ABCC4: variants seen among roughly 807,000 people sequenced by gnomAD.
ABCC4 encodes the protein ATP binding cassette subfamily C member 4 (PEL blood group).
Under a neutral mutation model 168.5 loss-of-function variants are expected in ABCC4, and 102 were observed. The observed-to-expected ratio is 0.61, with a 90% CI of 0.52 to 0.71. The LOEUF (loss-of-function observed/expected upper bound fraction) is 0.71. Among genes scored for constraint, ABCC4 ranks in the 30% least tolerant of loss-of-function variants. The pLI, the probability that ABCC4 is intolerant of heterozygous loss-of-function variation, is 0.00. For synonymous variants in ABCC4, 617 were observed against 590.7 expected (o/e 1.04, Z -0.65); for missense variants, 1,402 against 1,605.8 (o/e 0.87, Z 2.17).
intron 1 of ABCC4, among the ~76,000 whole-genome samples, chr13:95,298,117 C>T (rs2041581345): frequency 6.6e-6 from 1 of 152,028 alleles, no homozygotes; most frequent in Admixed American, 6.6e-5. Flanking sequence ...GGTGCAACCC[C>T]ATCTCTACCA....
At position 95,166,317 on chromosome 13, in the gene ABCC4, T is replaced by G; in HGVS notation, c.1875A>C (p.Ile625=). ...GTYTEFLKSG[I]DFGSLLKKDN... ...CCTTCTTTAAAAGGGAGCCAAAATC[T>G]ATACCAGATTTTAGGAACTCAGTGT... Residue 625 remains isoleucine (I), a synonymous_variant, in exon 15 of 31, where the codon ATA becomes ATC. Transcript: ENST00000645237. 3 of 1,613,802 alleles carry G rather than the reference T, an allele frequency of 1.9e-6. No individual in the cohort carries two copies. The highest frequency in any genetic ancestry group is 2.5e-6 in the Non-Finnish European group (3 of 1,180,026).
chr13:95,259,303 C>A (rs12863008), intron 1 of ABCC4, among the ~76,000 whole-genome samples: 78,441 of 151,032 alleles, frequency 0.52, 22,295 homozygotes, highest in Non-Finnish European at 0.63. Flanking sequence ...TCGCTTGAAC[C>A]AGGGAAGTGG....
At chr13:95,102,777 C>T (rs1344894423) in intron 20 of ABCC4, among the ~76,000 whole-genome samples, 3 of 151,376 alleles carry the variant, frequency 2.0e-5, no homozygotes, top group African/African-American at 4.8e-5. Context: ...CCCGCCACCA[C>T]GCCCAGCTAA....
At chr13:95,053,331 A>G (rs1566374628) in intron 26 of ABCC4, 147 bp from the exon 27 acceptor site, 1 of 691,374 alleles carries the variant, frequency 1.4e-6, no homozygotes, top group South Asian at 1.8e-5. Flanking sequence ...ACAAAACAAC[A>G]TATCTATTAA....
intron 13 of ABCC4, among the ~76,000 whole-genome samples, chr13:95,172,298 G>A (rs1033786642): frequency 1.3e-5 from 2 of 152,164 alleles, no homozygotes; most frequent in African/African-American, 4.8e-5. Context: ...ACTACATTAA[G>A]AGGCCAGCCA....
intron 19 of ABCC4, among the ~76,000 whole-genome samples, chr13:95,153,907 A>G (rs1417040612): frequency 6.6e-6 from 1 of 152,252 alleles, no homozygotes; most frequent in Admixed American, 6.5e-5. Context: ...TACTATTAGC[A>G]GTAAAGGAGC....
At chr13:95,295,979 A>C (rs1384490318) in intron 1 of ABCC4, among the ~76,000 whole-genome samples, 2 of 141,898 alleles carry the variant, frequency 1.4e-5, no homozygotes, top group Admixed American at 7.1e-5. Context: ...AAAAAAAAAA[A>C]ACACTTTAGC....
At chr13:95,066,185 A>G (rs2033537558) in intron 25 of ABCC4, among the ~76,000 whole-genome samples, 1 of 152,222 alleles carries the variant, frequency 6.6e-6, no homozygotes, top group Admixed American at 6.5e-5. Flanking sequence ...GGCATATGCC[A>G]TCGTGCCTTT....
chr13:95,143,923 T>C (rs1394217762), intron 19 of ABCC4, among the ~76,000 whole-genome samples: 1 of 152,196 alleles, frequency 6.6e-6, no homozygotes, highest in Non-Finnish European at 1.5e-5. Flanking sequence ...TAAATCCTTC[T>C]GAAAATTGAT....
intron 30 of ABCC4, among the ~76,000 whole-genome samples, chr13:95,028,470 G>A (rs376718731): frequency 5.5e-4 from 84 of 152,044 alleles, no homozygotes; most frequent in African/African-American, 1.8e-3. Flanking sequence ...AAAACAAACC[G>A]CTACCACCAA....
At chr13:95,207,126 C>T (rs1307361305) in intron 7 of ABCC4, among the ~76,000 whole-genome samples, 3 of 152,232 alleles carry the variant, frequency 2.0e-5, no homozygotes, top group Non-Finnish European at 4.4e-5. Context: ...CCTCCTGGTT[C>T]AAGCGATTCT....
At chr13:95,289,172 A>G (rs866360083) in intron 1 of ABCC4, among the ~76,000 whole-genome samples, 1 of 152,234 alleles carries the variant, frequency 6.6e-6, no homozygotes, top group South Asian at 2.1e-4. Context: ...TGGGTTTATT[A>G]CATAATCTCA....
rs566618544 is a variant in ABCC4 at position 95,062,716 on chromosome 13, T to C, written c.3354A>G (p.Ser1118=). 6.2e-7 allele frequency: 1 copy of C among 1,613,846 alleles called. No individual in the cohort carries two copies. The highest frequency in any genetic ancestry group is 1.3e-5 in the African/African-American group (1 of 75,010). Residue 1118 remains serine, a synonymous_variant, in exon 26 of 31, where the codon TCA becomes TCG. Coordinates refer to ENST00000645237, the MANE Select transcript of ABCC4 (RefSeq NM_005845.5). Reference sequence around the variant, plus strand: ...ATGACTTGCATACCTGAGGTATGATTGACATCTTCTTCCTTAAATCGTGAA... The same window carrying C: ...ATGACTTGCATACCTGAGGTATGATCGACATCTTCTTCCTTAAATCGTGAA... The part of the protein sequence containing the change: ...IGLHDLRKKM[S]IIPQEPVLFT...
chr13:95,221,818 T>C (rs1056573604), intron 4 of ABCC4, among the ~76,000 whole-genome samples: 3 of 152,180 alleles, frequency 2.0e-5, no homozygotes, highest in African/African-American at 7.2e-5. Flanking sequence ...AAATAAATCA[T>C]TGGCCATGAT....
At chr13:95,248,655 C>T (rs1217933903) in intron 1 of ABCC4, among the ~76,000 whole-genome samples, 1 of 151,786 alleles carries the variant, frequency 6.6e-6, no homozygotes, top group Non-Finnish European at 1.5e-5. Context: ...ACACCTGTAA[C>T]TCCAGAGCTT....
chr13:95,192,085 C>T (rs1425692885), intron 9 of ABCC4, among the ~76,000 whole-genome samples: 3 of 152,232 alleles, frequency 2.0e-5, no homozygotes, highest in African/African-American at 7.2e-5. Flanking sequence ...ATCCCTTCCC[C>T]ATGGAGAGTC....
At chr13:95,168,014 C>T (rs1566484990) in intron 14 of ABCC4, among the ~76,000 whole-genome samples, 1 of 152,116 alleles carries the variant, frequency 6.6e-6, no homozygotes, top group Non-Finnish European at 1.5e-5. Flanking sequence ...TCACAGGCAG[C>T]GCCACCAGGC....
intron 20 of ABCC4, among the ~76,000 whole-genome samples, chr13:95,084,587 C>T (rs2034196587): frequency 6.6e-6 from 1 of 151,846 alleles, no homozygotes; most frequent in Non-Finnish European, 1.5e-5. Flanking sequence ...CATTTAGTAG[C>T]ACTGAGGAAG....
intron 4 of ABCC4, among the ~76,000 whole-genome samples, chr13:95,216,233 T>C (rs2039105431): frequency 6.6e-6 from 1 of 152,280 alleles, no homozygotes; most frequent in South Asian, 2.1e-4. Context: ...GTGTTTCTCA[T>C]TAATGTAGAA....
Sources: gnomAD v4.1 joint callset for allele counts (sites outside exome capture counted in the v4.1 genomes callset) on GRCh38, gnomAD v4.1.1 for gene constraint, MANE v1.5 for transcripts, NCBI Gene and HGNC (gene_info 2026-07-23, HGNC 2026-07-21) for gene names.